The following MTMR9 variants were observed in gnomAD, a reference collection of about 807,000 sequenced individuals.
The protein encoded by MTMR9 is myotubularin-related protein 9.
In MTMR9, 39 loss-of-function variants were observed where a neutral mutation model predicts 69.5. The ratio of observed to expected loss-of-function variants is 0.56; its 90% confidence interval spans 0.43 to 0.73. The LOEUF is 0.73. MTMR9 is among the 30% of genes least tolerant of loss of function. The pLI is 0.00. For missense variants in MTMR9, 900 were observed against 671.2 expected (o/e 1.34, Z -3.77); for synonymous variants, 354 against 240.8 (o/e 1.47, Z -4.35).
the MTMR9 span, among the ~76,000 whole-genome samples, chr8:11,338,973 C>T: frequency 6.6e-6 from 1 of 152,138 alleles, no homozygotes; most frequent in Non-Finnish European, 1.5e-5. Context: ...TGCCATGGGA[C>T]TCCTGATGCC....
downstream of MTMR9, chr8:11,332,296 T>C (rs1007994529): frequency 7.1e-6 from 8 of 1,123,038 alleles, no homozygotes; most frequent in African/African-American, 6.4e-5. Context: ...AATAAAAATA[T>C]CACAAAGCAT....
chr8:11,335,783 C>T, the MTMR9 span, among the ~76,000 whole-genome samples: 1 of 152,158 alleles, frequency 6.6e-6, no homozygotes, highest in African/African-American at 2.4e-5. Flanking sequence ...TGGCATACTC[C>T]CTGTGTGCAT....
chr8:11,304,900 A>T lies in MTMR9; in HGVS notation c.477A>T (p.Pro159=). 6.2e-7 allele frequency: 1 copy of T among 1,614,016 alleles called. No individual in the cohort carries two copies. The highest frequency in any genetic ancestry group is 8.5e-7 in the Non-Finnish European group (1 of 1,179,954). The change falls in exon 4 of 10, where the codon CCA becomes CCT. Residue 159 remains proline (P), a synonymous_variant. Transcript: ENST00000221086. ...AATTTGCTGTCTGTCCCTCTTACCCACCAATTGTCACAGTGCCCAAATCCA... is the reference window on the plus strand; with the variant it reads ...AATTTGCTGTCTGTCCCTCTTACCCTCCAATTGTCACAGTGCCCAAATCCA... ...NKEFAVCPSY[P]PIVTVPKSID...
At chr8:11,288,619 G>A (rs183248504) in intron 1 of MTMR9, among the ~76,000 whole-genome samples, 2 of 152,160 alleles carry the variant, frequency 1.3e-5, no homozygotes, top group African/African-American at 2.4e-5. Flanking sequence ...GAAGAGGCCA[G>A]TGTGGCTGCA....
At chr8:11,305,982 G>C (rs919978229) in intron 4 of MTMR9, among the ~76,000 whole-genome samples, 3 of 152,166 alleles carry the variant, frequency 2.0e-5, no homozygotes, top group African/African-American at 7.2e-5. Flanking sequence ...TTTTGAGACA[G>C]AGAAATTGTG....
intron 6 of MTMR9, among the ~76,000 whole-genome samples, chr8:11,312,265 G>C (rs1195516142): frequency 6.6e-6 from 1 of 151,834 alleles, no homozygotes. Flanking sequence ...GCCCGGTCTG[G>C]TCTCAAATTC....
At chr8:11,292,873 C>CAATGT (rs1178678556) in intron 1 of MTMR9, among the ~76,000 whole-genome samples, 3 of 152,150 alleles carry the variant, frequency 2.0e-5, no homozygotes, top group African/African-American at 7.2e-5. Flanking sequence ...AGTTACACAA[C>CAATGT]AATGTAGCAC....
At chr8:11,334,986 A>C in the MTMR9 span, among the ~76,000 whole-genome samples, 1 of 152,350 alleles carries the variant, frequency 6.6e-6, no homozygotes, top group South Asian at 2.1e-4. Context: ...AACATACTTA[A>C]TGTTGAGAAG....
At chr8:11,307,737 A>T (rs1287059591) in intron 5 of MTMR9, among the ~76,000 whole-genome samples, 1 of 152,150 alleles carries the variant, frequency 6.6e-6, no homozygotes, top group African/African-American at 2.4e-5. Flanking sequence ...AGTAATAGCC[A>T]TTCTAACAGG....
In MTMR9 at chr8:11,326,828, G is replaced by C. The variant is rs1401244937; in HGVS notation, c.*4040G>C. The C allele has an allele frequency of 6.6e-6, 1 of 152,268 alleles. No homozygotes were observed. Among genetic ancestry groups the C allele is most frequent in the African/African-American group, 2.4e-5 (1 of 41,424 alleles). 9.4% of individuals were successfully genotyped at this position (152,268 alleles called of 1,614,324 possible). A position where few individuals can be genotyped will look rare whatever the true frequency, so the allele number is the denominator to read the frequency against. On this transcript the variant is annotated 3_prime_UTR_variant, in exon 10 of 10. Coordinates refer to ENST00000221086, the MANE Select transcript of MTMR9 (RefSeq NM_015458.4). ...TACTAAAAATACAAAAAATTAGCCA[G>C]GTGTGGTGGCGGGCGCCTGTAGTCC...
At chr8:11,322,183 CT>C (rs372365716) in intron 9 of MTMR9, among the ~76,000 whole-genome samples, 1 of 152,160 alleles carries the variant, frequency 6.6e-6, no homozygotes, top group African/African-American at 2.4e-5. Context: ...TCTGCTTTTA[CT>C]GTAGTTGTCA....
chr8:11,308,965 A>G (rs746955048), intron 5 of MTMR9, among the ~76,000 whole-genome samples: 1 of 152,126 alleles, frequency 6.6e-6, no homozygotes, highest in Non-Finnish European at 1.5e-5. Context: ...TGCTACATAT[A>G]CTTATATTTT....
At chr8:11,300,228 T>A (rs761828732) in intron 3 of MTMR9, 80 bp downstream of exon 3, 10 of 1,500,874 alleles carry the variant, frequency 6.7e-6, no homozygotes, top group Non-Finnish European at 9.1e-6. Flanking sequence ...TCACTTCTTT[T>A]GAAGAGTAAT....
chr8:11,310,669 A>G (rs993089249), intron 6 of MTMR9, among the ~76,000 whole-genome samples: 2 of 152,186 alleles, frequency 1.3e-5, no homozygotes, highest in African/African-American at 4.8e-5. Flanking sequence ...TGGCAGAGAA[A>G]TAACAAATAC....
intron 2 of MTMR9, chr8:11,297,851 CG>C (rs1563269599): frequency 2.2e-6 from 1 of 456,218 alleles, no homozygotes; most frequent in African/African-American, 2.0e-5. Flanking sequence ...GTTCTTACAG[CG>C]TAGTGATTAA....
At chr8:11,333,578 G>T in the MTMR9 span, among the ~76,000 whole-genome samples, 1 of 152,136 alleles carries the variant, frequency 6.6e-6, no homozygotes, top group Non-Finnish European at 1.5e-5. Flanking sequence ...GTATCTCCAC[G>T]ACAGATAAAT....
In MTMR9 at chr8:11,325,416, G is replaced by A. The variant is rs777362352; in HGVS notation, c.*2628G>A. 2.0e-5 allele frequency: 3 copies of A among 152,202 alleles called. No homozygotes were observed. Among genetic ancestry groups the A allele is most frequent in the Non-Finnish European group, 4.4e-5 (3 of 68,040 alleles). The allele number at this position is 152,202 out of a possible 1,614,324, so 9.4% of individuals were successfully genotyped here. On this transcript the variant is annotated 3_prime_UTR_variant, in exon 10 of 10. Coordinates refer to ENST00000221086, the MANE Select transcript of MTMR9 (RefSeq NM_015458.4). ...TTGATAAATGTGCTGTTAAACACTT[G>A]AATGAAGAGAATGGTGGCAGAATGA...
intron 6 of MTMR9, among the ~76,000 whole-genome samples, chr8:11,312,505 C>T (rs766303807): frequency 1.9e-4 from 29 of 152,318 alleles, no homozygotes; most frequent in Non-Finnish European, 2.5e-4. Context: ...AGTCACCATG[C>T]CCCACCTTCA....
Position 11,306,277 on chromosome 8 carries a change from G to C in MTMR9, c.679G>C (p.Ala227Pro). ...DEKLINATLR[A>P]GKRGYIIDTR... The stretch of plus-strand genomic sequence containing the variant: ...GAAGCTGATAAATGCTACCCTCAGG[G>C]CTGGAAAGCGTGGCTACATCATTGA... The change falls in exon 5 of 10, where the codon GCT becomes CCT. Residue 227 changes from alanine to proline, a missense_variant. By Grantham distance (27) the Ala-to-Pro change is conservative (BLOSUM62 -1). Coordinates refer to ENST00000221086, the MANE Select transcript of MTMR9 (RefSeq NM_015458.4). 6.2e-7 allele frequency: 1 copy of C among 1,614,066 alleles called. No homozygotes were observed. The highest frequency in any genetic ancestry group is 8.5e-7 in the Non-Finnish European group (1 of 1,179,974).
Sources: allele counts gnomAD v4.1 joint callset (sites outside exome capture counted in the v4.1 genomes callset), GRCh38; gene constraint gnomAD v4.1.1; transcripts MANE v1.5; gene names NCBI Gene and HGNC (gene_info 2026-07-23, HGNC 2026-07-21).